Variants in SYDE2 observed in about 807,000 individuals in gnomAD.
The protein encoded by SYDE2 is synapse defective Rho GTPase homolog 2.
Under a neutral mutation model 91.5 loss-of-function variants are expected in SYDE2, and 76 were observed. The ratio of observed to expected loss-of-function variants is 0.83; its 90% CI spans 0.69 to 1.01. The LOEUF (loss-of-function observed/expected upper bound fraction) is 1.01. Among genes scored for constraint, SYDE2 ranks in the 50% least tolerant of loss-of-function variants. SYDE2 has a pLI of 0.00. For synonymous variants in SYDE2, 513 were observed against 506.4 expected (o/e 1.01, Z -0.18); for missense variants, 1,364 against 1,367.7 (o/e 1.00, Z 0.04).
intron 1 of SYDE2, 31 bp downstream of exon 1, chr1:85,200,221 G>T (rs202136829): frequency 6.2e-7 from 1 of 1,613,504 alleles, no homozygotes; most frequent in South Asian, 1.1e-5. Context: ...AAGGCTCGCG[G>T]TGCTAGCATT....
At chr1:85,185,101 A>T (rs576901485) in intron 2 of SYDE2, among the ~76,000 whole-genome samples, 1 of 151,144 alleles carries the variant, frequency 6.6e-6, no homozygotes, top group Non-Finnish European at 1.5e-5. Context: ...ACAAAAAAAG[A>T]TGACTTATAA....
In SYDE2 at chr1:85,200,645, C is replaced by T; in HGVS notation, c.352G>A (p.Glu118Lys). Residue 118 changes from glutamate to lysine, a missense_variant, in exon 1 of 7, where the codon GAG (glutamate) becomes AAG (lysine). By Grantham distance (56) the Glu-to-Lys change is moderately conservative (BLOSUM62 1). Coordinates refer to ENST00000341460, the MANE Select transcript of SYDE2 (RefSeq NM_032184.2). ...IRCGAHRDWD[E>K]PPPRGGRMDG... is the part of the protein sequence containing the mutation. The stretch of plus-strand genomic sequence containing the variant: ...ATCCTGCCTCCACGTGGCGGGGGCT[C>T]GTCCCAGTCCCGGTGCGCGCCGCAC... 6.5e-7 allele frequency: 1 copy of T among 1,541,740 alleles called. No individual in the cohort carries two copies. The highest frequency in any genetic ancestry group is 8.7e-7 in the Non-Finnish European group (1 of 1,149,128).
At chr1:85,155,527 A>G (rs1656862350), downstream of SYDE2, among the ~76,000 whole-genome samples, 1 of 152,214 alleles carries the variant, frequency 6.6e-6, no homozygotes, top group Non-Finnish European at 1.5e-5. Flanking sequence ...TTACTCCAGG[A>G]ACCATTAAAG....
rs1213964628 is a variant in SYDE2, at chr1:85,177,974, C to CCA, written c.2671+170_2671+171dup. On this transcript the variant is annotated intron_variant, in intron 4 of 6. Coordinates refer to ENST00000341460, the MANE Select transcript of SYDE2 (RefSeq NM_032184.2). The stretch of plus-strand genomic sequence containing the variant: ...ATGTCAGCTGTTTGTGGGCAAGGGA[C>CCA]CATAGCTTAATACCTTCCCATAGAA... Among the ~76,000 whole-genome samples the CCA allele has an allele frequency of 2.0e-5, 3 of 152,064 alleles. No homozygotes were observed. In the East Asian group the frequency reaches 5.8e-4, roughly 29 times the overall value.
intron 5 of SYDE2, among the ~76,000 whole-genome samples, chr1:85,168,078 G>A (rs139306693): frequency 4.9e-4 from 74 of 150,676 alleles, no homozygotes; most frequent in African/African-American, 1.7e-3. Flanking sequence ...TCGCACCACT[G>A]CACTCAAGCC....
chr1:85,194,723 G>A (rs1450175490), intron 1 of SYDE2: 1 of 646,526 alleles, frequency 1.5e-6, no homozygotes, highest in African/African-American at 2.0e-5. Context: ...CCACACAGTG[G>A]TGAACTACCC....
intron 2 of SYDE2, among the ~76,000 whole-genome samples, chr1:85,188,571 G>T (rs1198273298): frequency 6.6e-6 from 1 of 152,188 alleles, no homozygotes; most frequent in African/African-American, 2.4e-5. Flanking sequence ...AGGGAGCTGA[G>T]AAAATTCAGG....
chr1:85,162,666 A>G (rs1657106046), intron 6 of SYDE2, among the ~76,000 whole-genome samples: 1 of 152,220 alleles, frequency 6.6e-6, no homozygotes, highest in Non-Finnish European at 1.5e-5. Context: ...TGCTTTTTCT[A>G]TAACACAAGA....
Position 85,158,689 on chromosome 1 carries a change from A to G in SYDE2, c.*61T>C. 1 of 643,354 alleles carries G rather than the reference A, an allele frequency of 1.6e-6. No individual in the cohort carries two copies. Among genetic ancestry groups the G allele is most frequent in the Non-Finnish European group, 2.8e-6 (1 of 357,460 alleles). 39.9% of individuals were successfully genotyped at this position (643,354 alleles called of 1,614,324 possible). A position where few individuals can be genotyped will look rare whatever the true frequency, so the allele number is the denominator to read the frequency against. On this transcript the variant is annotated 3_prime_UTR_variant, in exon 7 of 7. Transcript: ENST00000341460. ...ATGAAAACATCGCTGTGGGTGGTAT[A>G]AGAAAATAAAACAAAAACAGATTTG...
At chr1:85,185,895 T>A (rs1658119171) in intron 2 of SYDE2, among the ~76,000 whole-genome samples, 1 of 152,164 alleles carries the variant, frequency 6.6e-6, no homozygotes, top group South Asian at 2.1e-4. Context: ...AGGGAATGCT[T>A]CCAGTTTTTG....
chr1:85,170,520 A>G (rs1177495075), intron 4 of SYDE2, among the ~76,000 whole-genome samples: 1 of 152,150 alleles, frequency 6.6e-6, no homozygotes, highest in Non-Finnish European at 1.5e-5. Flanking sequence ...AAAAATCCAA[A>G]ATGCTCTAAA....
chr1:85,169,620 T>C (rs1657426708), intron 4 of SYDE2, among the ~76,000 whole-genome samples: 1 of 152,222 alleles, frequency 6.6e-6, no homozygotes, highest in African/African-American at 2.4e-5. Context: ...ACACAAATTT[T>C]GAGTTTCTAG....
chr1:85,187,045 C>A (rs1346003475), intron 2 of SYDE2, among the ~76,000 whole-genome samples: 3 of 151,848 alleles, frequency 2.0e-5, no homozygotes, highest in Admixed American at 1.3e-4. Flanking sequence ...AGCTTCTGCA[C>A]AGCAAAAGAA....
intron 4 of SYDE2, among the ~76,000 whole-genome samples, chr1:85,176,519 C>A (rs1288483928): frequency 6.6e-6 from 1 of 152,102 alleles, no homozygotes. Flanking sequence ...AGGATTTTCA[C>A]CAACAAAATT....
At chr1:85,185,395 T>TA (rs36024913) in intron 2 of SYDE2, among the ~76,000 whole-genome samples, 22 of 148,164 alleles carry the variant, frequency 1.5e-4, no homozygotes, top group Non-Finnish European at 9.0e-5. Flanking sequence ...CCACAAACAT[T>TA]AAAAAAAAAA....
At chr1:85,154,475 T>G (rs1656833517), downstream of SYDE2, among the ~76,000 whole-genome samples, 1 of 61,402 alleles carries the variant, frequency 1.6e-5, no homozygotes, top group Admixed American at 1.8e-4. Flanking sequence ...AGTAACTCTA[T>G]GAGCACCATC....
chr1:85,197,192 C>T (rs755234812), intron 1 of SYDE2, among the ~76,000 whole-genome samples: 2 of 152,126 alleles, frequency 1.3e-5, no homozygotes, highest in Admixed American at 1.3e-4. Context: ...AAATAATCAT[C>T]TCAATTAGGA....
Position 85,164,255 on chromosome 1 carries a change from G to T in SYDE2, c.3085+271C>A, listed in dbSNP as rs182454676. 1.2e-4 allele frequency among the ~76,000 whole-genome samples: 19 copies of T among 152,142 alleles called. 1 individual carries two copies. Among genetic ancestry groups the T allele is most frequent in the Admixed American group, 1.2e-3 (19 of 15,292 alleles). On this transcript the variant is annotated intron_variant, in intron 6 of 6. Coordinates refer to ENST00000341460, the MANE Select transcript of SYDE2 (RefSeq NM_032184.2). Reference sequence around the variant, plus strand: ...TAAGACGTTAAGAAACCAACCCAAGGTCAGATTGCTAATAAGTGGTACAAC... The same window carrying T: ...TAAGACGTTAAGAAACCAACCCAAGTTCAGATTGCTAATAAGTGGTACAAC...
intron 4 of SYDE2, among the ~76,000 whole-genome samples, chr1:85,171,035 T>C (rs931046898): frequency 6.6e-6 from 1 of 152,202 alleles, no homozygotes; most frequent in Non-Finnish European, 1.5e-5. Flanking sequence ...CTTGAGTATC[T>C]AGGTGGATAC....
Sources: gnomAD v4.1 joint callset for allele counts (sites outside exome capture counted in the v4.1 genomes callset) on GRCh38, gnomAD v4.1.1 for gene constraint, MANE v1.5 for transcripts, NCBI Gene and HGNC (gene_info 2026-07-23, HGNC 2026-07-21) for gene names.